TAFA1: variants seen among roughly 807,000 people sequenced by gnomAD.
TAFA1 encodes chemokine-like protein TAFA-1.
Under a neutral mutation model 18.5 loss-of-function variants are expected in TAFA1, and 4 were observed. The observed-to-expected ratio is 0.22, with a 90% CI of 0.11 to 0.49. TAFA1 has a LOEUF of 0.49. TAFA1 is among the 20% of genes least tolerant of loss of function. The pLI, the probability that TAFA1 is intolerant of heterozygous loss-of-function variation, is 0.98. For missense variants in TAFA1, 147 were observed against 169.0 expected, an observed-to-expected ratio of 0.87 and a Z score of 0.72; for synonymous variants, 56 against 55.2, an observed-to-expected ratio of 1.01 and a Z score of -0.06.
At chr3:68,416,653 A>G (rs959709593) in intron 2 of TAFA1, among the ~76,000 whole-genome samples, 1 of 152,218 alleles carries the variant, frequency 6.6e-6, no homozygotes, top group African/African-American at 2.4e-5. Context: ...TGATGAATGC[A>G]TGGATGAGCT....
At chr3:68,461,311 A>AAACC (rs1159411522) in intron 3 of TAFA1, among the ~76,000 whole-genome samples, 1 of 147,858 alleles carries the variant, frequency 6.8e-6, no homozygotes, top group East Asian at 2.1e-4. Context: ...ACAAACAAAC[A>AAACC]AACAAACCTG....
intron 2 of TAFA1, among the ~76,000 whole-genome samples, chr3:68,026,780 A>G (rs1487443131): frequency 6.6e-6 from 1 of 152,190 alleles, no homozygotes; most frequent in Non-Finnish European, 1.5e-5. Context: ...TTTCTGAAAA[A>G]GAGTACACAG....
chr3:68,341,077 A>G (rs2069074157), intron 2 of TAFA1, among the ~76,000 whole-genome samples: 2 of 152,244 alleles, frequency 1.3e-5, no homozygotes, highest in African/African-American at 4.8e-5. Flanking sequence ...CACCTTGCCC[A>G]CTACCTAGAC....
At chr3:68,202,110 T>A (rs1388141725) in intron 2 of TAFA1, among the ~76,000 whole-genome samples, 1 of 151,680 alleles carries the variant, frequency 6.6e-6, no homozygotes, top group African/African-American at 2.4e-5. Context: ...ACCACCTCAT[T>A]GGGGATCAAA....
chr3:68,123,048 T>A (rs970745059), intron 2 of TAFA1, among the ~76,000 whole-genome samples: 6 of 152,012 alleles, frequency 3.9e-5, no homozygotes, highest in Non-Finnish European at 7.4e-5. Context: ...CCTTCCTCCC[T>A]TCCTCCCTTC....
intron 3 of TAFA1, among the ~76,000 whole-genome samples, chr3:68,498,186 A>G (rs185010935): frequency 1.3e-5 from 2 of 152,322 alleles, no homozygotes; most frequent in East Asian, 3.9e-4. Context: ...AAATGGGCAT[A>G]AGGATAGTGT....
At chr3:68,437,102 G>A (rs2071279103) in intron 3 of TAFA1, among the ~76,000 whole-genome samples, 1 of 152,168 alleles carries the variant, frequency 6.6e-6, no homozygotes, top group South Asian at 2.1e-4. Flanking sequence ...AAAGAAAGCT[G>A]GGAGGGAACT....
chr3:68,296,118 C>T (rs982375169), intron 2 of TAFA1, among the ~76,000 whole-genome samples: 3 of 152,200 alleles, frequency 2.0e-5, no homozygotes, highest in South Asian at 4.1e-4. Flanking sequence ...AGCTACTTCT[C>T]ATCAGGGATC....
At chr3:68,077,115 A>G (rs2064834395) in intron 2 of TAFA1, among the ~76,000 whole-genome samples, 2 of 149,028 alleles carry the variant, frequency 1.3e-5, no homozygotes, top group African/African-American at 4.9e-5. Flanking sequence ...TCTTTTGAGA[A>G]GTGTCTGTTC....
chr3:68,067,323 A>T (rs2064692043), intron 2 of TAFA1, among the ~76,000 whole-genome samples: 6 of 151,812 alleles, frequency 4.0e-5, no homozygotes, highest in Admixed American at 3.9e-4. Context: ...TTCCTTCATC[A>T]TTTTTTCATT....
intron 2 of TAFA1, among the ~76,000 whole-genome samples, chr3:68,099,675 T>C (rs6548981): frequency 0.51 from 77,167 of 151,988 alleles, 19,982 homozygotes; most frequent in South Asian, 0.63. Context: ...TAAATTGTTC[T>C]ATGAAAAAGA....
chr3:68,512,670 T>C (rs1430445989), intron 3 of TAFA1, among the ~76,000 whole-genome samples: 1 of 132,852 alleles, frequency 7.5e-6, no homozygotes. Context: ...TGGGTGGTTT[T>C]TTGCTGGTTT....
intron 2 of TAFA1, among the ~76,000 whole-genome samples, chr3:68,100,525 C>T (rs2065135684): frequency 6.6e-6 from 1 of 152,096 alleles, no homozygotes; most frequent in African/African-American, 2.4e-5. Flanking sequence ...AATCTCATTT[C>T]CAAATTTAGT....
intron 2 of TAFA1, among the ~76,000 whole-genome samples, chr3:68,082,592 A>G (rs537329119): frequency 6.6e-6 from 1 of 152,332 alleles, no homozygotes; most frequent in South Asian, 2.1e-4. Flanking sequence ...TGGTTGTTTG[A>G]GCACTGAAAG....
At chr3:68,042,590 A>C (rs776281744) in intron 2 of TAFA1, among the ~76,000 whole-genome samples, 2 of 152,212 alleles carry the variant, frequency 1.3e-5, no homozygotes, top group Non-Finnish European at 2.9e-5. Context: ...TGGAGGTTGC[A>C]GTGAGCCAAG....
intron 3 of TAFA1, among the ~76,000 whole-genome samples, chr3:68,519,298 T>G (rs1307144893): frequency 6.6e-6 from 1 of 152,198 alleles, no homozygotes; most frequent in Non-Finnish European, 1.5e-5. Context: ...ACGTCATCTA[T>G]AAACAAGGAG....
At chr3:68,497,412 C>T (rs1189473682) in intron 3 of TAFA1, among the ~76,000 whole-genome samples, 1 of 152,052 alleles carries the variant, frequency 6.6e-6, no homozygotes, top group Non-Finnish European at 1.5e-5. Context: ...TATGACTGTG[C>T]ACATTACAAT....
chr3:67,994,214 G>T, the TAFA1 span, among the ~76,000 whole-genome samples: 1 of 152,092 alleles, frequency 6.6e-6, no homozygotes, highest in Admixed American at 6.6e-5. Flanking sequence ...AATTTAACAA[G>T]AATGGAAAAT....
the TAFA1 span, among the ~76,000 whole-genome samples, chr3:67,998,013 A>C: frequency 6.6e-6 from 1 of 152,046 alleles, no homozygotes; most frequent in Non-Finnish European, 1.5e-5. Context: ...AAATACAATG[A>C]AAAATCATAA....
Sources: allele counts gnomAD v4.1 joint callset (sites outside exome capture counted in the v4.1 genomes callset), GRCh38; gene constraint gnomAD v4.1.1; transcripts MANE v1.5; gene names NCBI Gene and HGNC (gene_info 2026-07-23, HGNC 2026-07-21).